Variants in CCDC138 observed in about 807,000 individuals in gnomAD.
CCDC138 encodes the protein coiled-coil domain containing 138.
Under a neutral mutation model 82.3 loss-of-function variants are expected in CCDC138, and 66 were observed. The ratio of observed to expected loss-of-function variants is 0.80; its 90% CI spans 0.66 to 0.98. The LOEUF (loss-of-function observed/expected upper bound fraction) is 0.98, where lower values mean the gene tolerates loss of function less well. Among genes scored for constraint, CCDC138 ranks in the 50% least tolerant of loss-of-function variants. The pLI is 0.00. For synonymous variants in CCDC138, 297 were observed against 265.4 expected (o/e 1.12, Z -1.16); for missense variants, 816 against 758.9 (o/e 1.08, Z -0.88).
At chr2:108,835,756 A>G (rs1342598076) in intron 10 of CCDC138, among the ~76,000 whole-genome samples, 4 of 152,210 alleles carry the variant, frequency 2.6e-5, no homozygotes, top group Admixed American at 1.3e-4. Flanking sequence ...ATCTTGCAAA[A>G]CTAAAACTCA....
In CCDC138 at chr2:108,876,123, A is replaced by T; in HGVS notation, c.1868A>T (p.His623Leu). 1 of 1,605,362 alleles carries T rather than the reference A, an allele frequency of 6.2e-7. No homozygotes were observed. Among genetic ancestry groups the T allele is most frequent in the Non-Finnish European group, 8.5e-7 (1 of 1,172,410 alleles). The change falls in exon 15 of 15, where the codon CAT becomes CTT. Residue 623 changes from histidine (H) to leucine (L), a missense_variant. Coordinates refer to ENST00000295124, the MANE Select transcript of CCDC138 (RefSeq NM_144978.3). ...NKKLFELFTI[H>L]LMLQEIQRTT... is the part of the protein sequence containing the mutation. ...AAGCTCTTTGAACTTTTTACGATTC[A>T]TCTGATGCTTCAAGAAATACAAAGG...
chr2:108,797,027 CTTGGTGAGGATGTTAAGTAGGCTGT>C (rs1267829046), intron 5 of CCDC138, among the ~76,000 whole-genome samples: 4 of 152,134 alleles, frequency 2.6e-5, no homozygotes, highest in Non-Finnish European at 5.9e-5. Context: ...TCCCCATCAC[CTTGGTGAGGATGTTAAGTAGGCTGT>C]TTGGACTTGA....
At chr2:108,824,043 C>T (rs1305740582) in intron 10 of CCDC138, among the ~76,000 whole-genome samples, 2 of 151,966 alleles carry the variant, frequency 1.3e-5, no homozygotes, top group East Asian at 3.9e-4. Flanking sequence ...GGAGCTTGTA[C>T]GACTAGAAGT....
intron 11 of CCDC138, among the ~76,000 whole-genome samples, chr2:108,843,893 T>TC (rs1689992036): frequency 7.0e-6 from 1 of 142,748 alleles, no homozygotes; most frequent in Non-Finnish European, 1.5e-5. Flanking sequence ...TTTCTTTTTT[T>TC]TTTTTTTTTT....
At chr2:108,848,898 A>G (rs997856384) in intron 12 of CCDC138, among the ~76,000 whole-genome samples, 1 of 152,250 alleles carries the variant, frequency 6.6e-6, no homozygotes, top group Admixed American at 6.5e-5. Flanking sequence ...TTTTAAGAAC[A>G]TAGAATCTTA....
In CCDC138 at chr2:108,808,362, G is replaced by A. The variant is rs541031489; in HGVS notation, c.855+3354G>A. ...CTTCAATATACTGATTTTCTCTCCTGTGAATATATACCCAGAAGTGGTATT... is the reference window on the plus strand; with the variant it reads ...CTTCAATATACTGATTTTCTCTCCTATGAATATATACCCAGAAGTGGTATT... On this transcript the variant is annotated intron_variant, in intron 7 of 14. Transcript: ENST00000295124. Among the ~76,000 whole-genome samples the A allele has an allele frequency of 2.0e-5, 3 of 152,252 alleles. No individual in the cohort carries two copies. In the East Asian group the frequency reaches 5.8e-4, roughly 29 times the overall value.
rs1692740639 is a variant in CCDC138, at chr2:108,857,096, T to TA, written c.1693+126_1693+127insA. 1.0e-5 allele frequency: 4 copies of TA among 392,604 alleles called. No individual in the cohort carries two copies. In the Admixed American group the frequency reaches 2.5e-4, roughly 24 times the overall value. 24.3% of individuals were successfully genotyped at this position (392,604 alleles called of 1,614,324 possible). A position where few individuals can be genotyped will look rare whatever the true frequency, so the allele number is the denominator to read the frequency against. ...TTTTTTTTTTTTTTTTTTTTTTTTTTTGAGATGGAGTCTCGCTTTGTCGTC... is the reference window on the plus strand; with the variant it reads ...TTTTTTTTTTTTTTTTTTTTTTTTTTATGAGATGGAGTCTCGCTTTGTCGTC... On this transcript the variant is annotated intron_variant, in intron 13 of 14. Transcript: ENST00000295124.
At chr2:108,790,834 C>T (rs1370155756) in intron 3 of CCDC138, among the ~76,000 whole-genome samples, 1 of 152,302 alleles carries the variant, frequency 6.6e-6, no homozygotes, top group East Asian at 1.9e-4. Flanking sequence ...TCACTGTAGC[C>T]TCCAACTCCT....
intron 7 of CCDC138, among the ~76,000 whole-genome samples, chr2:108,810,711 G>C (rs1057461222): frequency 3.9e-5 from 6 of 152,126 alleles, no homozygotes; most frequent in Admixed American, 2.0e-4. Context: ...TCAGTTTTTT[G>C]GGATAGTTTG....
At chr2:108,793,287 C>T (rs1037419585) in intron 4 of CCDC138, among the ~76,000 whole-genome samples, 2 of 148,444 alleles carry the variant, frequency 1.3e-5, no homozygotes, top group Admixed American at 6.7e-5. Context: ...GAGCCGAGGT[C>T]GCGCCACTGC....
At chr2:108,885,369 T>C (rs944643748) in exon 3 of CCDC138, 1 of 152,258 alleles carries the variant, frequency 6.6e-6, no homozygotes, top group African/African-American at 2.4e-5. Flanking sequence ...TTGAGATGAT[T>C]GTTATTTCAT....
At position 108,794,555 on chromosome 2, in the gene CCDC138, A is replaced by T. The variant is rs746381095; in HGVS notation, c.410A>T (p.Asn137Ile). The T allele has an allele frequency of 6.2e-7, 1 of 1,610,568 alleles. No homozygotes were observed. Among genetic ancestry groups the T allele is most frequent in the Non-Finnish European group, 8.5e-7 (1 of 1,178,734 alleles). Residue 137 changes from asparagine to isoleucine, a missense_variant, in exon 5 of 15, where the codon AAT (asparagine) becomes ATT (isoleucine). By Grantham distance (149) the Asn-to-Ile change is moderately radical. Coordinates refer to ENST00000295124, the MANE Select transcript of CCDC138 (RefSeq NM_144978.3). ...TTCTTTGCAGTTGCCTTGCCAACTA[A>T]TACGACCTCATCGAGACCTCGGACT... is the stretch of plus-strand genomic sequence containing the variant. ...KEIEKVALPTNTTSSRPRTEC... is the reference protein window; with the variant it reads ...KEIEKVALPTITTSSRPRTEC...
At chr2:108,837,456 G>A (rs1463739510) in intron 10 of CCDC138, among the ~76,000 whole-genome samples, 1 of 152,086 alleles carries the variant, frequency 6.6e-6, no homozygotes, top group East Asian at 1.9e-4. Context: ...GACAATGGTA[G>A]ACCGTATATA....
At chr2:108,871,025 T>C (rs1042982715) in intron 13 of CCDC138, among the ~76,000 whole-genome samples, 6 of 152,030 alleles carry the variant, frequency 3.9e-5, no homozygotes, top group Non-Finnish European at 8.8e-5. Context: ...CTCAAAAAAT[T>C]GAAATGAACC....
chr2:108,863,788 G>A (rs907904476), intron 13 of CCDC138, among the ~76,000 whole-genome samples: 1 of 152,156 alleles, frequency 6.6e-6, no homozygotes, highest in African/African-American at 2.4e-5. Context: ...AGTTGTTCTT[G>A]GTCAGCCACT....
chr2:108,811,802 T>A (rs1683914656), intron 7 of CCDC138, among the ~76,000 whole-genome samples: 1 of 152,144 alleles, frequency 6.6e-6, no homozygotes, highest in Non-Finnish European at 1.5e-5. Flanking sequence ...TATCTGTTAT[T>A]TCCATCTTTA....
In CCDC138 at chr2:108,873,519, C is replaced by G; in HGVS notation, c.1762C>G (p.Arg588Gly). The change falls in exon 14 of 15, where the codon CGA becomes GGA. Residue 588 changes from arginine to glycine, a missense_variant. Physicochemically the swap from Arg to Gly is moderately radical, Grantham distance 125. Transcript: ENST00000295124. ...LFFRTCSVLL[R>G]APKLDLQILE... is the part of the protein sequence containing the mutation. ...TTTTCGTACTTGCTCTGTGCTGCTT[C>G]GAGCCCCTAAGCTTGATCTTCAAAT... 1 of 1,612,526 alleles carries G rather than the reference C, an allele frequency of 6.2e-7. No homozygotes were observed. The highest frequency in any genetic ancestry group is 8.5e-7 in the Non-Finnish European group (1 of 1,179,230).
At chr2:108,853,461 C>T (rs1213485514) in intron 12 of CCDC138, among the ~76,000 whole-genome samples, 1 of 151,296 alleles carries the variant, frequency 6.6e-6, no homozygotes, top group Non-Finnish European at 1.5e-5. Flanking sequence ...CCAATTTAAT[C>T]TAGAAATTGT....
chr2:108,878,995 TAAA>T (rs1380785107), downstream of CCDC138, among the ~76,000 whole-genome samples: 14 of 151,104 alleles, frequency 9.3e-5, no homozygotes, highest in East Asian at 2.7e-3. Context: ...ATATTTAGGA[TAAA>T]GAAGTTTAAA....
Sources: allele counts gnomAD v4.1 joint callset (sites outside exome capture counted in the v4.1 genomes callset), GRCh38; gene constraint gnomAD v4.1.1; transcripts MANE v1.5; gene names NCBI Gene and HGNC (gene_info 2026-07-23, HGNC 2026-07-21).